The following PCDH15 variants were observed in gnomAD, a reference collection of about 807,000 sequenced individuals.
PCDH15 encodes protocadherin related 15.
Under a neutral mutation model 178.5 loss-of-function variants are expected in PCDH15, and 129 were observed. That is an observed-to-expected ratio of 0.72 (90% CI 0.63 to 0.84). PCDH15 has a LOEUF of 0.84. Ranked by LOEUF, PCDH15 falls within the 40% of genes least tolerant of loss-of-function variation. The pLI, the probability that PCDH15 is intolerant of heterozygous loss-of-function variation, is 0.00. For missense variants in PCDH15, 2,230 were observed against 2,099.9 expected, an observed-to-expected ratio of 1.06 and a Z score of -1.21; for synonymous variants, 800 against 732.0, an observed-to-expected ratio of 1.09 and a Z score of -1.50.
intron 6 of PCDH15, among the ~76,000 whole-genome samples, chr10:54,332,588 A>T (rs1028465592): frequency 6.6e-6 from 1 of 150,884 alleles, no homozygotes; most frequent in African/African-American, 2.4e-5. Flanking sequence ...GAAACCTCTT[A>T]AATGTAATTT....
At chr10:54,036,479 A>G (rs537228344) in intron 18 of PCDH15, among the ~76,000 whole-genome samples, 3 of 95,374 alleles carry the variant, frequency 3.1e-5, no homozygotes, top group Non-Finnish European at 9.1e-5. Flanking sequence ...AATAAATGGA[A>G]TAACAATGCC....
intron 2 of PCDH15, among the ~76,000 whole-genome samples, chr10:55,606,807 T>G (rs1843228617): frequency 6.8e-6 from 1 of 146,818 alleles, no homozygotes; most frequent in Non-Finnish European, 1.5e-5. Context: ...GAAGAAAACC[T>G]AGGCATTACC....
At chr10:55,094,398 G>C (rs1220873815) in intron 2 of PCDH15, among the ~76,000 whole-genome samples, 1 of 152,036 alleles carries the variant, frequency 6.6e-6, no homozygotes, top group African/African-American at 2.4e-5. Flanking sequence ...TTGTGGGGTA[G>C]GGGGATGGGG....
intron 1 of PCDH15, among the ~76,000 whole-genome samples, chr10:55,232,428 G>A (rs1286356843): frequency 6.6e-6 from 1 of 152,000 alleles, no homozygotes; most frequent in Admixed American, 6.6e-5. Context: ...ATAATATAAT[G>A]TATAATGTTT....
At chr10:55,087,856 G>C (rs1209249586) in intron 2 of PCDH15, among the ~76,000 whole-genome samples, 2 of 152,048 alleles carry the variant, frequency 1.3e-5, no homozygotes, top group Non-Finnish European at 2.9e-5. Flanking sequence ...ATTCTACATG[G>C]TAGCCTAACA....
chr10:54,550,888 G>A (rs2086497304), intron 2 of PCDH15, among the ~76,000 whole-genome samples: 1 of 151,916 alleles, frequency 6.6e-6, no homozygotes, highest in Non-Finnish European at 1.5e-5. Context: ...GGGTGTAGTG[G>A]CTCACACCTG....
At chr10:54,258,012 TA>T (rs967357302) in intron 8 of PCDH15, among the ~76,000 whole-genome samples, 1 of 151,608 alleles carries the variant, frequency 6.6e-6, no homozygotes, top group Non-Finnish European at 1.5e-5. Context: ...GCTTAACGAT[TA>T]AAAAAAAATC....
chr10:53,823,440 A>G (rs750066528), intron 32 of PCDH15: 9 of 1,282,622 alleles, frequency 7.0e-6, no homozygotes, highest in African/African-American at 1.5e-5. Flanking sequence ...TATGGCTCTC[A>G]TTACTATTAA....
chr10:54,108,725 G>A (rs11004071), intron 15 of PCDH15, among the ~76,000 whole-genome samples: 11,268 of 152,122 alleles, frequency 0.074, 692 homozygotes, highest in East Asian at 0.3. Context: ...AGGTCAGGGG[G>A]ATACTCTTTA....
At chr10:55,372,615 T>A (rs541219960) in intron 2 of PCDH15, among the ~76,000 whole-genome samples, 5 of 152,202 alleles carry the variant, frequency 3.3e-5, no homozygotes, top group African/African-American at 1.2e-4. Flanking sequence ...ACATGCTTCA[T>A]CCAAATTCCA....
At chr10:54,471,410 T>C (rs1215085327) in intron 3 of PCDH15, among the ~76,000 whole-genome samples, 1 of 152,250 alleles carries the variant, frequency 6.6e-6, no homozygotes, top group East Asian at 1.9e-4. Flanking sequence ...TATCCAAACC[T>C]AAATAAACAT....
At chr10:53,944,701 C>T (rs1393358477) in intron 23 of PCDH15, among the ~76,000 whole-genome samples, 2 of 152,204 alleles carry the variant, frequency 1.3e-5, no homozygotes, top group African/African-American at 2.4e-5. Flanking sequence ...TGGAACTATA[C>T]AGCTTACTGA....
At chr10:54,600,771 T>A (rs568754600) in intron 2 of PCDH15, 1 of 462,732 alleles carries the variant, frequency 2.2e-6, no homozygotes, top group Admixed American at 2.6e-5. Context: ...GATTCTCCCA[T>A]AGGGGCTCCA....
intron 2 of PCDH15, among the ~76,000 whole-genome samples, chr10:55,444,180 T>A: frequency 6.6e-6 from 1 of 151,688 alleles, no homozygotes; most frequent in East Asian, 1.9e-4. Context: ...AAATACCTAA[T>A]GTAGATGATG....
At chr10:54,877,305 T>G (rs1954163225) in intron 3 of PCDH15, among the ~76,000 whole-genome samples, 1 of 152,180 alleles carries the variant, frequency 6.6e-6, no homozygotes, top group African/African-American at 2.4e-5. Context: ...TCTGGAACCC[T>G]ACACACAATA....
At position 53,914,283 on chromosome 10, in the gene PCDH15, T is replaced by C. The variant is rs533937881; in HGVS notation, c.3374-10913A>G. 1.3e-3 allele frequency among the ~76,000 whole-genome samples: 200 copies of C among 152,290 alleles called. 1 individual carries two copies. Among genetic ancestry groups the C allele is most frequent in the South Asian group, 4.6e-3 (22 of 4,822 alleles). On this transcript the variant is annotated intron_variant, in intron 25 of 37. Coordinates refer to ENST00000644397, the MANE Select transcript of PCDH15 (RefSeq NM_001384140.1). ...CACTGGATATATACCCAAAGGATGA[T>C]AAAGCATGCTACTATAAAGACACAT...
chr10:54,215,271 G>C (rs2051887024), intron 9 of PCDH15, among the ~76,000 whole-genome samples: 1 of 152,006 alleles, frequency 6.6e-6, no homozygotes, highest in African/African-American at 2.4e-5. Context: ...ATCCAAAAAG[G>C]GGCTTATTGT....
intron 3 of PCDH15, among the ~76,000 whole-genome samples, chr10:54,825,318 G>A (rs1307058359): frequency 6.7e-6 from 1 of 149,292 alleles, no homozygotes; most frequent in Non-Finnish European, 1.5e-5. Context: ...ATTGTGAATA[G>A]TGCCGCAATA....
At chr10:54,850,770 A>G (rs1411357878) in intron 3 of PCDH15, among the ~76,000 whole-genome samples, 9 of 152,192 alleles carry the variant, frequency 5.9e-5, no homozygotes. Context: ...GCTACTTGAG[A>G]GTTTGCCAAA....
Sources: gnomAD v4.1 joint callset for allele counts (sites outside exome capture counted in the v4.1 genomes callset) on GRCh38, gnomAD v4.1.1 for gene constraint, MANE v1.5 for transcripts, NCBI Gene and HGNC (gene_info 2026-07-23, HGNC 2026-07-21) for gene names.